Variants in DMD observed in about 807,000 individuals in gnomAD.
DMD encodes the protein dystrophin.
In DMD, 63 loss-of-function variants were observed where a neutral mutation model predicts 330.1. The ratio of observed to expected loss-of-function variants is 0.19; its 90% CI spans 0.16 to 0.24. The LOEUF (loss-of-function observed/expected upper bound fraction) is 0.24. Among genes scored for constraint, DMD ranks in the 10% least tolerant of loss-of-function variants. The pLI, the probability that DMD is intolerant of heterozygous loss-of-function variation, is 1.00. For synonymous variants in DMD, 1,223 were observed against 959.8 expected, an observed-to-expected ratio of 1.27 and a Z score of -5.07; for missense variants, 3,344 against 2,684.1, an observed-to-expected ratio of 1.25 and a Z score of -5.43.
At chrX:33,152,632 T>C (rs1202384220) in intron 1 of DMD, among the ~76,000 whole-genome samples, 1 of 110,961 alleles carries the variant, frequency 9.0e-6, no homozygotes, top group African/African-American at 3.3e-5. Flanking sequence ...ATGTGGAATA[T>C]ACTAGTTACT....
rs376586680 is a variant in DMD, at chrX:33,109,952, TA to T, written c.32-89753del. Among the ~76,000 whole-genome samples, 1,001 of 103,039 alleles carry T rather than the reference TA, an allele frequency of 9.7e-3. 9 individuals carry two copies. The highest frequency in any genetic ancestry group is 0.03 in the African/African-American group (851 of 28,650). 89.5% of individuals were successfully genotyped at this position (103,039 alleles called of 115,157 possible). A position where few individuals can be genotyped will look rare whatever the true frequency, so the allele number is the denominator to read the frequency against. On this transcript the variant is annotated intron_variant, in intron 1 of 78. Coordinates refer to ENST00000357033, the MANE Select transcript of DMD (RefSeq NM_004006.3). ...CAGAATAGGATGCCCAACAATGGTT[TA>T]AAAAAAAAAAAGGTTTTTTTGTTTG...
intron 2 of DMD, among the ~76,000 whole-genome samples, chrX:32,939,040 T>A (rs1233354894): frequency 9.1e-6 from 1 of 110,057 alleles, no homozygotes; most frequent in Non-Finnish European, 1.9e-5. Context: ...TTTACGTTTT[T>A]CATAATGTCT....
At chrX:32,311,396 T>C (rs1038017076) in intron 41 of DMD, among the ~76,000 whole-genome samples, 1 of 110,985 alleles carries the variant, frequency 9.0e-6, no homozygotes, top group Non-Finnish European at 1.9e-5. Context: ...CAAAGAGGAG[T>C]AAAATTTACA....
intron 59 of DMD, among the ~76,000 whole-genome samples, chrX:31,453,701 G>A (rs1240658343): frequency 1.2e-5 from 1 of 83,273 alleles, no homozygotes; most frequent in East Asian, 4.3e-4. Flanking sequence ...ATTTCCTTGG[G>A]AAAATGTTTC....
chrX:33,220,775 A>T (rs2052159388), intron 1 of DMD, among the ~76,000 whole-genome samples: 1 of 110,787 alleles, frequency 9.0e-6, no homozygotes, highest in African/African-American at 3.3e-5. Flanking sequence ...TATGAAGATT[A>T]TTTTTTTTAG....
intron 1 of DMD, among the ~76,000 whole-genome samples, chrX:33,259,148 TG>T (rs2052908415): frequency 9.0e-6 from 1 of 110,923 alleles, no homozygotes; most frequent in Admixed American, 9.7e-5. Context: ...TCCTAGTAAA[TG>T]TTTTTTTAAA....
chrX:31,610,791 G>C (rs187592691), intron 55 of DMD, among the ~76,000 whole-genome samples: 1 of 111,592 alleles, frequency 9.0e-6, no homozygotes, highest in East Asian at 2.8e-4. Flanking sequence ...AATGTCATGA[G>C]TCATTAGAGT....
intron 60 of DMD, among the ~76,000 whole-genome samples, chrX:31,406,577 G>A (rs1033255827): frequency 1.8e-5 from 2 of 111,084 alleles, no homozygotes; most frequent in Non-Finnish European, 3.8e-5. Context: ...AGTAAAGACA[G>A]TGATAGATAA....
At chrX:32,900,908 T>G (rs2086178064) in intron 2 of DMD, among the ~76,000 whole-genome samples, 1 of 111,347 alleles carries the variant, frequency 9.0e-6, no homozygotes, top group Admixed American at 9.6e-5. Context: ...ATTGTATTAT[T>G]ATTTATTAAG....
At chrX:31,256,154 A>G (rs1473703706) in intron 63 of DMD, among the ~76,000 whole-genome samples, 1 of 111,596 alleles carries the variant, frequency 9.0e-6, no homozygotes, top group African/African-American at 3.3e-5. Context: ...CTTATATCCC[A>G]CTTACTCCAC....
At chrX:32,271,944 C>G (rs965589933) in intron 43 of DMD, among the ~76,000 whole-genome samples, 11 of 111,445 alleles carry the variant, frequency 9.9e-5, no homozygotes, top group Non-Finnish European at 1.7e-4. Flanking sequence ...CTTATTCATT[C>G]TAGAATATTA....
At chrX:33,217,433 T>C (rs1241447390) in intron 1 of DMD, among the ~76,000 whole-genome samples, 3 of 111,816 alleles carry the variant, frequency 2.7e-5, no homozygotes, top group Non-Finnish European at 5.7e-5. Flanking sequence ...TATCTCCGTT[T>C]ATTTAAGTCT....
chrX:31,731,443 C>G (rs2149028488), intron 51 of DMD, among the ~76,000 whole-genome samples: 1 of 111,647 alleles, frequency 9.0e-6, no homozygotes, highest in South Asian at 3.7e-4. Context: ...AATTGCCTAC[C>G]CTAAAATGTT....
intron 1 of DMD, among the ~76,000 whole-genome samples, chrX:33,316,330 C>T (rs1466139594): frequency 9.0e-6 from 1 of 110,764 alleles, no homozygotes; most frequent in Admixed American, 9.7e-5. Flanking sequence ...AAAACCCCTG[C>T]ACTAATTCTC....
Position 32,850,155 on chromosome X carries a change from T to A in DMD, c.94-335A>T. On this transcript the variant is annotated intron_variant, in intron 2 of 78. Transcript: ENST00000357033. ...AGGCAGTTACGGGTAAAGGGAAAAG[T>A]AAATACACAAAGAAGCAAAAGACCA... is the stretch of plus-strand genomic sequence containing the variant. Among the ~76,000 whole-genome samples the A allele has an allele frequency of 3.6e-5, 4 of 111,173 alleles. 1 individual carries two copies. The South Asian group carries it at 1.5e-3, about 42-fold the overall frequency.
At chrX:32,792,466 T>C (rs1161371262) in intron 7 of DMD, among the ~76,000 whole-genome samples, 3 of 111,682 alleles carry the variant, frequency 2.7e-5, no homozygotes, top group African/African-American at 9.7e-5. Flanking sequence ...CCCTCACATA[T>C]CAGTAATAAT....
intron 60 of DMD, among the ~76,000 whole-genome samples, chrX:31,356,405 T>C (rs2148547744): frequency 9.0e-6 from 1 of 111,001 alleles, no homozygotes; most frequent in Non-Finnish European, 1.9e-5. Flanking sequence ...TATTATGTTC[T>C]ATACAACCTA....
chrX:31,568,266 A>G (rs2075576647), intron 55 of DMD, among the ~76,000 whole-genome samples: 1 of 111,324 alleles, frequency 9.0e-6, no homozygotes, highest in Non-Finnish European at 1.9e-5. Flanking sequence ...GAGTGCTTCA[A>G]TTAGATCCTA....
chrX:32,704,957 TATA>T (rs2064475981), intron 7 of DMD, among the ~76,000 whole-genome samples: 1 of 112,295 alleles, frequency 8.9e-6, no homozygotes, highest in Non-Finnish European at 1.9e-5. Flanking sequence ...AGATTTATGT[TATA>T]ATATCATCTG....
Sources: gnomAD v4.1 joint callset for allele counts (sites outside exome capture counted in the v4.1 genomes callset) on GRCh38, gnomAD v4.1.1 for gene constraint, MANE v1.5 for transcripts, NCBI Gene and HGNC (gene_info 2026-07-23, HGNC 2026-07-21) for gene names.